Variants in AGO4 observed in about 807,000 individuals in gnomAD.
AGO4 encodes the protein argonaute RISC component 4, also known as protein argonaute-4.
In AGO4, 33 loss-of-function variants were observed where a neutral mutation model predicts 104.7. The observed-to-expected ratio is 0.32, with a 90% CI of 0.24 to 0.42. The LOEUF is 0.42. Among genes scored for constraint, AGO4 ranks in the 10% least tolerant of loss-of-function variants. AGO4 has a pLI of 1.00. For synonymous variants in AGO4, 331 were observed against 364.7 expected (o/e 0.91, Z 1.05); for missense variants, 711 against 1,083.4 (o/e 0.66, Z 4.83).
chr1:35,808,304 A>G lies in AGO4; in HGVS notation c.-113A>G, dbSNP rs1643364006. Reference sequence around the variant, plus strand: ...CCAGCGCCCGCGTCTCCGCGGCGCCACCCCAGCGCCAATATTCCGGAGATC... The same window carrying G: ...CCAGCGCCCGCGTCTCCGCGGCGCCGCCCCAGCGCCAATATTCCGGAGATC... On this transcript the variant is annotated 5_prime_UTR_variant, in exon 1 of 18. Coordinates refer to ENST00000373210, the MANE Select transcript of AGO4 (RefSeq NM_017629.4). The surrounding 1 kb of genome is among the most constrained non-coding windows in gnomAD (Gnocchi z 5.2). 1 of 610,082 alleles carries G rather than the reference A, an allele frequency of 1.6e-6. No homozygotes were observed. The highest frequency in any genetic ancestry group is 2.1e-6 in the Non-Finnish European group (1 of 487,190). The allele number at this position is 610,082 out of a possible 1,614,324, so 37.8% of individuals were successfully genotyped here. A position where few individuals can be genotyped will look rare whatever the true frequency, so the allele number is the denominator to read the frequency against.
chr1:35,857,445 A>G lies in AGO4; in HGVS notation c.*3840A>G, dbSNP rs891597763. ...GACTAATGGTGTGATTTTTGTTTCT[A>G]TATTATTAGACCTGTAATGTTTTAA... On this transcript the variant is annotated 3_prime_UTR_variant, in exon 18 of 18. Transcript: ENST00000373210. The G allele has an allele frequency of 1.7e-4, 26 of 152,248 alleles. No individual in the cohort carries two copies. The highest frequency in any genetic ancestry group is 5.8e-4 in the African/African-American group (24 of 41,548). The allele number at this position is 152,248 out of a possible 1,614,324, so 9.4% of individuals were successfully genotyped here. A position where few individuals can be genotyped will look rare whatever the true frequency, so the allele number is the denominator to read the frequency against.
chr1:35,849,346 C>T (rs114404843), intron 15 of AGO4, among the ~76,000 whole-genome samples: 2 of 152,080 alleles, frequency 1.3e-5, no homozygotes, highest in Non-Finnish European at 2.9e-5. Flanking sequence ...GTGCTTTCTT[C>T]CTGATAACCA....
rs75732563 is a variant in AGO4 at position 35,852,862 on chromosome 1, A to C, written c.2478-635A>C. 7.6e-3 allele frequency among the ~76,000 whole-genome samples: 1,160 copies of C among 152,338 alleles called. 16 individuals are homozygous for C. Among genetic ancestry groups the C allele is most frequent in the African/African-American group, 0.027 (1,104 of 41,562 alleles). ...TGACTGAAGCCTAAAGAAATTAGCC[A>C]GACATAGTGGGCAGTGGAAATCTTT... On this transcript the variant is annotated intron_variant, in intron 17 of 17. Transcript: ENST00000373210.
At chr1:35,812,362 C>T (rs1341291110) in intron 1 of AGO4, among the ~76,000 whole-genome samples, 1 of 152,142 alleles carries the variant, frequency 6.6e-6, no homozygotes, top group Non-Finnish European at 1.5e-5. Flanking sequence ...ACTTCTTAAT[C>T]GTTTTTCTTT....
In AGO4 at chr1:35,841,767, T is replaced by C. The variant is rs1480089757; in HGVS notation, c.2175+17T>C. ...ACAGAAAGGGTAAGAAGATATAATA[T>C]AAGCTTTGTTATCTGAGGCTCTGGC... On this transcript the variant is annotated intron_variant, in intron 15 of 17. Transcript: ENST00000373210. The surrounding 1 kb of genome is among the most constrained non-coding windows in gnomAD (Gnocchi z 4.7). 5.0e-6 allele frequency: 8 copies of C among 1,609,464 alleles called. No individual in the cohort carries two copies. Among genetic ancestry groups the C allele is most frequent in the South Asian group, 2.2e-5 (2 of 90,480 alleles).
chr1:35,826,629 C>G (rs1314779814), intron 6 of AGO4, 119 bp from the exon 7 acceptor site: 1 of 897,556 alleles, frequency 1.1e-6, no homozygotes, highest in Admixed American at 2.0e-5. Flanking sequence ...AAATTGTCCC[C>G]ATATTCTTGC....
intron 2 of AGO4, among the ~76,000 whole-genome samples, chr1:35,820,669 A>AT (rs796301808): frequency 4.0e-4 from 59 of 147,540 alleles, no homozygotes; most frequent in South Asian, 2.1e-3. Flanking sequence ...AGAAAGTTTG[A>AT]TTTTTTTTTT....
At chr1:35,827,764 CT>C (rs1448574863) in intron 7 of AGO4, among the ~76,000 whole-genome samples, 5 of 140,884 alleles carry the variant, frequency 3.5e-5, no homozygotes, top group Admixed American at 7.1e-5. Context: ...TCATTATAAG[CT>C]TTTTTTTATT....
At chr1:35,821,862 T>C (rs1448279497) in intron 2 of AGO4, among the ~76,000 whole-genome samples, 1 of 152,048 alleles carries the variant, frequency 6.6e-6, no homozygotes, top group East Asian at 1.9e-4. Context: ...CTGCTGATTC[T>C]CTTTCTCAAA....
At position 35,817,028 on chromosome 1, in the gene AGO4, C is replaced by T. The variant is rs1643731353; in HGVS notation, c.166C>T (p.Arg56Trp). The change falls in exon 2 of 18, where the codon CGG becomes TGG. Residue 56 changes from arginine to tryptophan, a missense_variant. Coordinates refer to ENST00000373210, the MANE Select transcript of AGO4 (RefSeq NM_017629.4). The stretch of plus-strand genomic sequence containing the variant: ...TGATGTGGATATTAAGCCTGAAAAA[C>T]GGCCTCGTAGAGTCAACAGGTAAGG... ...HYDVDIKPEK[R>W]PRRVNREVVD... 4 of 1,608,762 alleles carry T rather than the reference C, an allele frequency of 2.5e-6. No individual in the cohort carries two copies. The highest frequency in any genetic ancestry group is 1.3e-5 in the African/African-American group (1 of 74,634).
At chr1:35,830,830 T>C (rs1310343392) in intron 7 of AGO4, among the ~76,000 whole-genome samples, 1 of 151,288 alleles carries the variant, frequency 6.6e-6, no homozygotes, top group Non-Finnish European at 1.5e-5. Context: ...ACAAAAATTA[T>C]AGGTGGTGGC....
chr1:35,842,244 A>C (rs1470598740), intron 15 of AGO4, among the ~76,000 whole-genome samples: 1 of 152,050 alleles, frequency 6.6e-6, no homozygotes, highest in Non-Finnish European at 1.5e-5. Flanking sequence ...GTGAATGATC[A>C]TTACCACCTG....
chr1:35,853,265 A>AAG (rs1557585962), intron 17 of AGO4, among the ~76,000 whole-genome samples: 1 of 151,438 alleles, frequency 6.6e-6, no homozygotes, highest in Non-Finnish European at 1.5e-5. Context: ...AAAAAAAAAA[A>AAG]AAAGAAATTC....
At position 35,808,959 on chromosome 1, in the gene AGO4, C is replaced by T. The variant is rs1311837644; in HGVS notation, c.19+524C>T. On this transcript the variant is annotated intron_variant, in intron 1 of 17. Coordinates refer to ENST00000373210, the MANE Select transcript of AGO4 (RefSeq NM_017629.4). The surrounding 1 kb of genome is among the most constrained non-coding windows in gnomAD (Gnocchi z 5.2). ...CTCATGATCTCTGAAGGTCAAGGGACAAAATGCCCACCCTTTCTGAAAGGC... is the reference window on the plus strand; with the variant it reads ...CTCATGATCTCTGAAGGTCAAGGGATAAAATGCCCACCCTTTCTGAAAGGC... Among the ~76,000 whole-genome samples, 2 of 152,188 alleles carry T rather than the reference C, an allele frequency of 1.3e-5. No individual in the cohort carries two copies. The highest frequency in any genetic ancestry group is 4.8e-5 in the African/African-American group (2 of 41,462).
intron 3 of AGO4, among the ~76,000 whole-genome samples, chr1:35,823,529 G>A (rs915505178): frequency 8.5e-5 from 13 of 152,150 alleles, no homozygotes; most frequent in Admixed American, 5.9e-4. Flanking sequence ...GGGTTCAAGC[G>A]ATTCTCCGGC....
chr1:35,811,393 C>T (rs1333937786), intron 1 of AGO4, among the ~76,000 whole-genome samples: 2 of 149,050 alleles, frequency 1.3e-5, no homozygotes, highest in African/African-American at 4.9e-5. Flanking sequence ...ACACAGGAGG[C>T]GGAAGTTGCA....
chr1:35,823,046 T>A, intron 3 of AGO4, 64 bp downstream of exon 3: 1 of 1,562,088 alleles, frequency 6.4e-7, no homozygotes, highest in Non-Finnish European at 8.7e-7. Flanking sequence ...CAAAAATATT[T>A]CCTTTTCTTC....
chr1:35,841,023 C>T lies in AGO4; in HGVS notation c.1725-142C>T, dbSNP rs1571300385. On this transcript the variant is annotated intron_variant, in intron 13 of 17. Coordinates refer to ENST00000373210, the MANE Select transcript of AGO4 (RefSeq NM_017629.4). The surrounding 1 kb of genome is among the most constrained non-coding windows in gnomAD (Gnocchi z 4.7). ...TGGGTGACATCAATATTCAGTGGTC[C>T]GTAGTGTTCTTTCCCAATGGGCTTA... 7.4e-6 allele frequency: 6 copies of T among 810,218 alleles called. No homozygotes were observed. Among genetic ancestry groups the T allele is most frequent in the Admixed American group, 5.5e-5 (2 of 36,228 alleles). The allele number at this position is 810,218 out of a possible 1,614,324, so 50.2% of individuals were successfully genotyped here.
At chr1:35,814,104 AAG>A (rs1485148258) in intron 1 of AGO4, among the ~76,000 whole-genome samples, 10 of 151,156 alleles carry the variant, frequency 6.6e-5, no homozygotes, top group East Asian at 3.9e-4. Context: ...AAAGAGAAAG[AAG>A]AGAGAGAGAA....
Sources: allele counts gnomAD v4.1 joint callset (sites outside exome capture counted in the v4.1 genomes callset), GRCh38; gene constraint gnomAD v4.1.1; non-coding constraint Gnocchi (gnomAD v3.1); transcripts MANE v1.5; gene names NCBI Gene and HGNC (gene_info 2026-07-23, HGNC 2026-07-21).